The following TTLL11 variants were observed in gnomAD, a reference collection of about 807,000 sequenced individuals.
TTLL11 encodes tubulin polyglutamylase TTLL11.
Under a neutral mutation model 51.7 loss-of-function variants are expected in TTLL11, and 42 were observed. The ratio of observed to expected loss-of-function variants is 0.81; its 90% CI spans 0.64 to 1.05. The LOEUF is 1.05. Among genes scored for constraint, TTLL11 ranks in the 50% least tolerant of loss-of-function variants. The pLI is 0.00. For missense variants in TTLL11, 799 were observed against 940.4 expected (o/e 0.85, Z 1.97); for synonymous variants, 381 against 383.5 (o/e 0.99, Z 0.08).
In TTLL11 at chr9:121,821,897, C is replaced by T. The variant is rs1564257496; in HGVS notation, c.*690G>A. The T allele has an allele frequency of 2.0e-5, 3 of 152,154 alleles. No homozygotes were observed. Among genetic ancestry groups the T allele is most frequent in the Non-Finnish European group, 4.4e-5 (3 of 68,040 alleles). The allele number at this position is 152,154 out of a possible 1,614,324, so 9.4% of individuals were successfully genotyped here. A position where few individuals can be genotyped will look rare whatever the true frequency, so the allele number is the denominator to read the frequency against. On this transcript the variant is annotated 3_prime_UTR_variant, in exon 9 of 9. Transcript: ENST00000321582. The surrounding 1 kb of genome is among the most constrained non-coding windows in gnomAD (Gnocchi z 5.0). ...AAAGATGGGATTCCTGCTTTGGGGT[C>T]ACAGTCAAACAAAATCAAACAAAAT...
rs890639581 is a variant in TTLL11, at chr9:121,853,486, C to T, written c.1840+6851G>A. Among the ~76,000 whole-genome samples, 6 of 151,706 alleles carry T rather than the reference C, an allele frequency of 4.0e-5. No individual in the cohort carries two copies. The highest frequency in any genetic ancestry group is 1.2e-4 in the African/African-American group (5 of 41,252). On this transcript the variant is annotated intron_variant, in intron 8 of 8. Coordinates refer to ENST00000321582, the MANE Select transcript of TTLL11 (RefSeq NM_001139442.2). This position sits in a 1 kb window ranked among gnomAD's most constrained non-coding sequence, Gnocchi z 5.6. ...TGCAGAGGTGGGGGCCTGAGGGGGC[C>T]GGCCATTCTGGCTGGAGTGAGTGTG...
chr9:121,889,909 G>T (rs187029743), intron 6 of TTLL11, among the ~76,000 whole-genome samples: 2 of 151,064 alleles, frequency 1.3e-5, no homozygotes, highest in East Asian at 1.9e-4. Flanking sequence ...TGGGCGGGGC[G>T]GGGGGGGAGG....
At chr9:122,006,111 G>A (rs1414361110) in intron 3 of TTLL11, among the ~76,000 whole-genome samples, 7 of 152,148 alleles carry the variant, frequency 4.6e-5, no homozygotes, top group African/African-American at 1.4e-4. Flanking sequence ...AGGCCAAGGC[G>A]GGTGGATCAC....
intron 1 of TTLL11, among the ~76,000 whole-genome samples, chr9:122,063,260 T>C (rs1201002302): frequency 6.6e-6 from 1 of 152,180 alleles, no homozygotes; most frequent in African/African-American, 2.4e-5. Context: ...CCTTGTGAGA[T>C]TTAAATAATA....
At chr9:121,942,325 T>G (rs1235939971) in intron 6 of TTLL11, among the ~76,000 whole-genome samples, 3 of 152,206 alleles carry the variant, frequency 2.0e-5, no homozygotes, top group African/African-American at 7.2e-5. Flanking sequence ...ACCTTCACAG[T>G]CAGGCCGCTT....
At chr9:121,893,986 C>A (rs1178518300) in intron 6 of TTLL11, among the ~76,000 whole-genome samples, 1 of 152,178 alleles carries the variant, frequency 6.6e-6, no homozygotes, top group Non-Finnish European at 1.5e-5. Context: ...CCACCACGAG[C>A]CACACCTGTG....
chr9:121,863,198 A>G (rs1838071606), intron 7 of TTLL11, among the ~76,000 whole-genome samples: 1 of 152,168 alleles, frequency 6.6e-6, no homozygotes, highest in Non-Finnish European at 1.5e-5. Context: ...CCACATGTCA[A>G]TGGACGCGGA....
intron 8 of TTLL11, among the ~76,000 whole-genome samples, chr9:121,824,817 T>C (rs1168154955): frequency 6.6e-6 from 1 of 152,210 alleles, no homozygotes; most frequent in Non-Finnish European, 1.5e-5. Context: ...TGTGCATTAT[T>C]TACCTGCTTC....
intron 6 of TTLL11, among the ~76,000 whole-genome samples, chr9:121,930,051 A>C (rs2131549686): frequency 1.3e-5 from 2 of 152,368 alleles, no homozygotes; most frequent in South Asian, 4.1e-4. Context: ...CTTAAAGGAA[A>C]TATTGCATTC....
chr9:121,913,961 T>G (rs1840232448), intron 6 of TTLL11, among the ~76,000 whole-genome samples: 1 of 152,186 alleles, frequency 6.6e-6, no homozygotes, highest in Admixed American at 6.5e-5. Context: ...ATGCCCTTTA[T>G]CACTATCTCG....
chr9:122,016,550 C>A (rs1843988213), intron 3 of TTLL11, among the ~76,000 whole-genome samples: 1 of 152,064 alleles, frequency 6.6e-6, no homozygotes, highest in Admixed American at 6.5e-5. Flanking sequence ...TGACTCTGAC[C>A]CACTTATAAT....
chr9:121,977,676 A>ATTT (rs56249470), intron 4 of TTLL11, among the ~76,000 whole-genome samples: 1 of 136,598 alleles, frequency 7.3e-6, no homozygotes, highest in Middle Eastern at 3.7e-3. Flanking sequence ...ATTTAATTTA[A>ATTT]TTTTTTTTTT....
rs1438806615 is a variant in TTLL11 at position 121,890,794 on chromosome 9, T to G, written c.1482-20046A>C. ...CTAGGTGCATGAATGCATGAATGGG[T>G]GCATGAATGCATGAATGACTGGCTC... is the stretch of plus-strand genomic sequence containing the variant. On this transcript the variant is annotated intron_variant, in intron 6 of 8. Transcript: ENST00000321582. The surrounding 1 kb of genome is among the most constrained non-coding windows in gnomAD (Gnocchi z 4.3). Among the ~76,000 whole-genome samples the G allele has an allele frequency of 6.6e-6, 1 of 152,174 alleles. No individual in the cohort carries two copies. Among genetic ancestry groups the G allele is most frequent in the Non-Finnish European group, 1.5e-5 (1 of 68,036 alleles).
chr9:122,040,740 T>G (rs1212373309), intron 1 of TTLL11, among the ~76,000 whole-genome samples: 1 of 152,198 alleles, frequency 6.6e-6, no homozygotes, highest in Non-Finnish European at 1.5e-5. Context: ...CTCAAGTCAT[T>G]TAAATCAGTC....
intron 6 of TTLL11, among the ~76,000 whole-genome samples, chr9:121,879,966 A>G (rs910841321): frequency 2.0e-5 from 3 of 152,142 alleles, no homozygotes; most frequent in African/African-American, 7.2e-5. Flanking sequence ...CCCTGTGTTT[A>G]AAAAAAGAAA....
At chr9:122,072,295 C>G (rs1845750193) in intron 1 of TTLL11, among the ~76,000 whole-genome samples, 1 of 152,174 alleles carries the variant, frequency 6.6e-6, no homozygotes. Context: ...CTGCATACCT[C>G]TCTGATCCAT....
At chr9:122,016,104 A>G (rs916402296) in intron 3 of TTLL11, among the ~76,000 whole-genome samples, 1 of 152,190 alleles carries the variant, frequency 6.6e-6, no homozygotes, top group Non-Finnish European at 1.5e-5. Context: ...GGCTTTATAG[A>G]GAAAGTTAAA....
At chr9:121,925,951 C>T (rs1041413735) in intron 6 of TTLL11, among the ~76,000 whole-genome samples, 1 of 152,214 alleles carries the variant, frequency 6.6e-6, no homozygotes, top group Admixed American at 6.5e-5. Context: ...TCTTTCCTTC[C>T]CACTTTTCTT....
intron 6 of TTLL11, among the ~76,000 whole-genome samples, chr9:121,905,576 C>T (rs1457891009): frequency 1.3e-5 from 2 of 152,150 alleles, no homozygotes; most frequent in African/African-American, 2.4e-5. Flanking sequence ...TGGCCTTGAA[C>T]TCCTGAGCTC....
Sources: allele counts gnomAD v4.1 joint callset (sites outside exome capture counted in the v4.1 genomes callset), GRCh38; gene constraint gnomAD v4.1.1; non-coding constraint Gnocchi (gnomAD v3.1); transcripts MANE v1.5; gene names NCBI Gene and HGNC (gene_info 2026-07-23, HGNC 2026-07-21).